The following PDS5A variants were observed in gnomAD, a reference collection of about 807,000 sequenced individuals.
PDS5A encodes PDS5 cohesin associated factor A, also known as sister chromatid cohesion protein PDS5 homolog A.
Under a neutral mutation model 167.1 loss-of-function variants are expected in PDS5A, and 42 were observed. That is an observed-to-expected ratio of 0.25 (90% CI 0.20 to 0.33). The LOEUF is 0.33. Among genes scored for constraint, PDS5A ranks in the 10% least tolerant of loss-of-function variants. The pLI is 1.00. For missense variants in PDS5A, 1,033 were observed against 1,605.9 expected (o/e 0.64, Z 6.10); for synonymous variants, 553 against 554.6 (o/e 1.00, Z 0.04).
chr4:39,827,159 G>A (rs1715399981), intron 32 of PDS5A, among the ~76,000 whole-genome samples: 1 of 151,924 alleles, frequency 6.6e-6, no homozygotes, highest in Non-Finnish European at 1.5e-5. Flanking sequence ...GCCCCCACGC[G>A]CAGCTAATTT....
chr4:39,906,679 G>A (rs1334940967), intron 11 of PDS5A, among the ~76,000 whole-genome samples: 1 of 151,492 alleles, frequency 6.6e-6, no homozygotes, highest in African/African-American at 2.4e-5. Context: ...CTATTCAGGA[G>A]AATGAAGCAA....
intron 2 of PDS5A, among the ~76,000 whole-genome samples, chr4:39,967,446 G>A (rs1456070270): frequency 2.0e-5 from 3 of 152,070 alleles, no homozygotes; most frequent in Non-Finnish European, 4.4e-5. Flanking sequence ...AGGGGTTCGA[G>A]ACAAGCCTGA....
chr4:39,952,567 C>T (rs1018855243), intron 2 of PDS5A, among the ~76,000 whole-genome samples: 6 of 151,882 alleles, frequency 4.0e-5, no homozygotes, highest in Non-Finnish European at 8.8e-5. Context: ...CTCAGGACAG[C>T]CAGCTTAATA....
intron 32 of PDS5A, among the ~76,000 whole-genome samples, chr4:39,829,131 T>C (rs1715582861): frequency 6.6e-6 from 1 of 152,180 alleles, no homozygotes; most frequent in East Asian, 1.9e-4. Context: ...ATGTCTTCTC[T>C]TACCAGTTAG....
intron 18 of PDS5A, among the ~76,000 whole-genome samples, chr4:39,877,719 C>T (rs1218845517): frequency 4.6e-5 from 7 of 152,006 alleles, no homozygotes; most frequent in Non-Finnish European, 8.8e-5. Context: ...GTCTCAACCT[C>T]CCACCTCAGT....
Position 39,838,140 on chromosome 4 carries a change from T to C in PDS5A, c.3726A>G (p.Thr1242=). The part of the protein sequence containing the change: ...SSDRGKKRTV[T]AAGAENIQQK... ...GTTGGATATTCTCTGCACCAGCTGC[T>C]GTTACTGTTCTTTTCTTTCCTCGGT... The change falls in exon 32 of 33, where the codon ACA becomes ACG. Residue 1242 remains threonine, a synonymous_variant. Transcript: ENST00000303538. 2 of 1,613,838 alleles carry C rather than the reference T, an allele frequency of 1.2e-6. No individual in the cohort carries two copies. Among genetic ancestry groups the C allele is most frequent in the Non-Finnish European group, 1.7e-6 (2 of 1,179,820 alleles).
chr4:39,950,176 C>G (rs995651789), intron 2 of PDS5A, among the ~76,000 whole-genome samples: 1 of 152,158 alleles, frequency 6.6e-6, no homozygotes, highest in African/African-American at 2.4e-5. Context: ...GGCGGGATTA[C>G]AGGTGTGAGC....
intron 3 of PDS5A, among the ~76,000 whole-genome samples, chr4:39,927,578 C>T (rs1725581883): frequency 6.6e-6 from 1 of 152,076 alleles, no homozygotes; most frequent in Admixed American, 6.5e-5. Context: ...GTTTTGCATG[C>T]TGAATAACTT....
chr4:39,924,827 C>T (rs1725306532), intron 5 of PDS5A, among the ~76,000 whole-genome samples: 1 of 152,172 alleles, frequency 6.6e-6, no homozygotes, highest in South Asian at 2.1e-4. Context: ...AAAAAACAAA[C>T]CAGGCTGGGT....
rs1367162425 is a variant in PDS5A, at chr4:39,833,159, C to G, written c.4010+4697G>C. On this transcript the variant is annotated intron_variant, in intron 32 of 32. Transcript: ENST00000303538. ...TGAGCTGAGATCGTGTCGTTGCACTCCAGCCTGGGCCACAAGAGTGAAACT... is the reference window on the plus strand; with the variant it reads ...TGAGCTGAGATCGTGTCGTTGCACTGCAGCCTGGGCCACAAGAGTGAAACT... Among the ~76,000 whole-genome samples the G allele has an allele frequency of 7.9e-5, 10 of 127,304 alleles. No individual in the cohort carries two copies. In the East Asian group the frequency reaches 2.0e-3, roughly 26 times the overall value. 83.5% of individuals were successfully genotyped at this position (127,304 alleles called of 152,430 possible).
chr4:39,973,230 G>A (rs970744551), intron 2 of PDS5A: 1 of 1,422,306 alleles, frequency 7.0e-7, no homozygotes, highest in African/African-American at 1.4e-5. Context: ...TTAGAACAGA[G>A]TGACTCTGGA....
chr4:39,864,814 A>T (rs1416879307), intron 23 of PDS5A, among the ~76,000 whole-genome samples: 2 of 152,216 alleles, frequency 1.3e-5, no homozygotes, highest in Admixed American at 1.3e-4. Context: ...CCATAAGATG[A>T]GGAAATTGAG....
chr4:39,963,919 T>G (rs12504275), intron 2 of PDS5A, among the ~76,000 whole-genome samples: 1 of 151,432 alleles, frequency 6.6e-6, no homozygotes, highest in Admixed American at 6.6e-5. Flanking sequence ...AGCTTTTTTT[T>G]CCCCCCCAGA....
intron 16 of PDS5A, 146 bp from the exon 17 acceptor site, chr4:39,890,510 C>T (rs1462455041): frequency 3.5e-5 from 19 of 549,360 alleles, no homozygotes; most frequent in East Asian, 3.2e-4. Flanking sequence ...TTTTACACCC[C>T]GAGCAATGAC....
Position 39,839,838 on chromosome 4 carries a change from G to A in PDS5A, c.3658-1630C>T, listed in dbSNP as rs530405680. On this transcript the variant is annotated intron_variant, in intron 31 of 32. Coordinates refer to ENST00000303538, the MANE Select transcript of PDS5A (RefSeq NM_001100399.2). The stretch of plus-strand genomic sequence containing the variant: ...ACCAATTTCATTTAATAGTTGAGCC[G>A]TAATTCCAGCACTTTGGGAGGCCAA... Among the ~76,000 whole-genome samples the A allele has an allele frequency of 8.6e-5, 13 of 151,470 alleles. No homozygotes were observed. In the South Asian group the frequency reaches 2.1e-3, roughly 24 times the overall value.
rs34253629 is a variant in PDS5A, at chr4:39,957,786, CAA to C, written c.138+18652_138+18653del. On this transcript the variant is annotated intron_variant, in intron 2 of 32. Coordinates refer to ENST00000303538, the MANE Select transcript of PDS5A (RefSeq NM_001100399.2). ...TGGGCGACAGTGTGAGACTCCATCT[CAA>C]AAAAAAAAAAAAAAAAAAGAAATGG... is the stretch of plus-strand genomic sequence containing the variant. Among the ~76,000 whole-genome samples, 554 of 87,744 alleles carry C rather than the reference CAA, an allele frequency of 6.3e-3. 6 individuals are homozygous for C. Among genetic ancestry groups the C allele is most frequent in the African/African-American group, 0.02 (461 of 22,490 alleles). 57.6% of individuals were successfully genotyped at this position (87,744 alleles called of 152,430 possible).
intron 2 of PDS5A, chr4:39,932,576 G>T: frequency 6.1e-6 from 1 of 165,090 alleles, no homozygotes. Flanking sequence ...TAAGCGCGGT[G>T]GGTCACAGCA....
chr4:39,906,917 T>TAAAATAAAAAAAA (rs1320189136), intron 11 of PDS5A, among the ~76,000 whole-genome samples: 1 of 54,028 alleles, frequency 1.9e-5, no homozygotes, highest in Non-Finnish European at 4.0e-5. Context: ...ATTTCTTACA[T>TAAAATAAAAAAAA]AAAAAAAAAA....
Position 39,890,337 on chromosome 4 carries a change from G to T in PDS5A, c.1798C>A (p.Pro600Thr). 1 of 1,581,860 alleles carries T rather than the reference G, an allele frequency of 6.3e-7. No homozygotes were observed. Among genetic ancestry groups the T allele is most frequent in the Non-Finnish European group, 8.6e-7 (1 of 1,161,492 alleles). The change falls in exon 17 of 33, where the codon CCT (proline) becomes ACT (threonine). Residue 600 changes from proline to threonine, a missense_variant. Physicochemically the swap from Pro to Thr is conservative, Grantham distance 38. Coordinates refer to ENST00000303538, the MANE Select transcript of PDS5A (RefSeq NM_001100399.2). ...VREIARKLANPKQPTNPFLEM... is the reference protein window; with the variant it reads ...VREIARKLANTKQPTNPFLEM... ...AGAAAAGGATTTGTTGGTTGCTTAG[G>T]ATTTGCAAGTTTCCGGGCTATTTCT...
Sources: allele counts gnomAD v4.1 joint callset (sites outside exome capture counted in the v4.1 genomes callset), GRCh38; gene constraint gnomAD v4.1.1; transcripts MANE v1.5; gene names NCBI Gene and HGNC (gene_info 2026-07-23, HGNC 2026-07-21).